The following SLC30A8 variants were observed in gnomAD, a reference collection of about 807,000 sequenced individuals.
SLC30A8 encodes the protein solute carrier family 30 member 8.
In SLC30A8, 27 loss-of-function variants were observed where a neutral mutation model predicts 36.9. The observed-to-expected ratio is 0.73, with a 90% CI of 0.54 to 1.01. SLC30A8 has a LOEUF of 1.01. Ranked by LOEUF, SLC30A8 falls within the 50% of genes least tolerant of loss-of-function variation. The probability of loss-of-function intolerance (pLI) is 0.00; values close to 1 mark genes in which losing one functional copy is unlikely to be tolerated. For missense variants in SLC30A8, 439 were observed against 452.0 expected, an observed-to-expected ratio of 0.97 and a Z score of 0.26; for synonymous variants, 164 against 172.4, an observed-to-expected ratio of 0.95 and a Z score of 0.38.
At chr8:117,150,001 C>T (rs1023121820) in intron 2 of SLC30A8, among the ~76,000 whole-genome samples, 1 of 152,124 alleles carries the variant, frequency 6.6e-6, no homozygotes, top group African/African-American at 2.4e-5. Flanking sequence ...CCCTAGTACT[C>T]AGAGAAAACC....
At chr8:117,052,409 T>G (rs1415431915) in intron 2 of SLC30A8, among the ~76,000 whole-genome samples, 1 of 152,222 alleles carries the variant, frequency 6.6e-6, no homozygotes, top group Non-Finnish European at 1.5e-5. Context: ...ATTTATTAGA[T>G]GAAAAAACAT....
intron 1 of SLC30A8, among the ~76,000 whole-genome samples, chr8:116,972,427 C>CGACTGCT (rs1814823100): frequency 1.3e-5 from 2 of 152,164 alleles, no homozygotes; most frequent in Admixed American, 1.3e-4. Context: ...GAGGAATAAG[C>CGACTGCT]GACTGCTGTT....
At chr8:117,011,161 A>G (rs972553339) in intron 1 of SLC30A8, among the ~76,000 whole-genome samples, 1 of 152,232 alleles carries the variant, frequency 6.6e-6, no homozygotes, top group East Asian at 1.9e-4. Context: ...AACAGGAGCA[A>G]GAAAGAGAAG....
intron 2 of SLC30A8, among the ~76,000 whole-genome samples, chr8:117,085,358 A>AAC (rs1011394921): frequency 1.3e-5 from 2 of 152,142 alleles, no homozygotes; most frequent in African/African-American, 4.8e-5. Flanking sequence ...TTTCACCATT[A>AAC]TACCCATTGG....
At chr8:117,042,789 C>A (rs552327803) in intron 2 of SLC30A8, among the ~76,000 whole-genome samples, 1 of 152,254 alleles carries the variant, frequency 6.6e-6, no homozygotes, top group Non-Finnish European at 1.5e-5. Context: ...GATTCTCCTG[C>A]CTCAGCCTCC....
chr8:116,958,358 T>C (rs1047020672), intron 1 of SLC30A8, among the ~76,000 whole-genome samples: 1 of 151,786 alleles, frequency 6.6e-6, no homozygotes, highest in African/African-American at 2.4e-5. Flanking sequence ...TTTTTTGTAG[T>C]GCAGGTAAGC....
chr8:116,977,105 C>T (rs548416328), intron 1 of SLC30A8, among the ~76,000 whole-genome samples: 115 of 150,226 alleles, frequency 7.7e-4, no homozygotes, highest in African/African-American at 2.8e-3. Context: ...GCAGGAGCCA[C>T]CGTGCCTGGC....
intron 2 of SLC30A8, among the ~76,000 whole-genome samples, chr8:117,113,168 C>T (rs544992048): frequency 6.6e-6 from 1 of 152,108 alleles, no homozygotes; most frequent in Non-Finnish European, 1.5e-5. Flanking sequence ...AGCTTTTAAC[C>T]AGGATACTAA....
intron 2 of SLC30A8, among the ~76,000 whole-genome samples, chr8:117,042,761 C>T (rs1164301503): frequency 6.6e-6 from 1 of 151,980 alleles, no homozygotes; most frequent in African/African-American, 2.4e-5. Flanking sequence ...CTGCAACCTC[C>T]GCCTCCCGGG....
intron 1 of SLC30A8, among the ~76,000 whole-genome samples, chr8:116,996,025 G>C (rs1406555301): frequency 6.6e-6 from 1 of 152,168 alleles, no homozygotes; most frequent in Non-Finnish European, 1.5e-5. Flanking sequence ...TTCTTTTGCT[G>C]ATCTGCCCAT....
chr8:117,084,644 C>G (rs1014130627), intron 2 of SLC30A8, among the ~76,000 whole-genome samples: 4 of 152,026 alleles, frequency 2.6e-5, no homozygotes, highest in African/African-American at 9.7e-5. Context: ...GTTTAATAAA[C>G]CCCCGGACTT....
Position 117,080,298 on chromosome 8 carries a change from C to T in SLC30A8, c.-226+41040C>T, listed in dbSNP as rs868396853. ...TGAAATAACTACTGTTAACATTTGG[C>T]GCATACCTTTTATTTTTTTAATTAT... On this transcript the variant is annotated intron_variant, in intron 2 of 10. Coordinates refer to the SLC30A8 transcript ENST00000427715. Among the ~76,000 whole-genome samples, 5 of 151,996 alleles carry T rather than the reference C, an allele frequency of 3.3e-5. No individual in the cohort carries two copies. In the South Asian group the frequency reaches 6.2e-4, roughly 19 times the overall value.
At position 117,147,528 on chromosome 8, in the gene SLC30A8, A is replaced by G. The variant is rs535959360; in HGVS notation, c.271+375A>G. 3 of 174,182 alleles carry G rather than the reference A, an allele frequency of 1.7e-5. No individual in the cohort carries two copies. In the South Asian group the frequency reaches 4.1e-4, roughly 24 times the overall value. The allele number at this position is 174,182 out of a possible 1,614,324, so 10.8% of individuals were successfully genotyped here. A position where few individuals can be genotyped will look rare whatever the true frequency, so the allele number is the denominator to read the frequency against. On this transcript the variant is annotated intron_variant, in intron 2 of 7. Coordinates refer to ENST00000456015, the MANE Select transcript of SLC30A8 (RefSeq NM_173851.3). ...TCTAATATGCTCCACTGTAATTTAC[A>G]TAACCATTTCTCTATTGTTAGAAAT...
At chr8:117,067,077 G>T (rs1026493021) in intron 2 of SLC30A8, among the ~76,000 whole-genome samples, 1 of 152,140 alleles carries the variant, frequency 6.6e-6, no homozygotes, top group Non-Finnish European at 1.5e-5. Flanking sequence ...GCAGCAGCAA[G>T]AAATCTGAGT....
chr8:116,996,081 T>C (rs1678922859), intron 1 of SLC30A8, among the ~76,000 whole-genome samples: 2 of 152,244 alleles, frequency 1.3e-5, no homozygotes, highest in African/African-American at 4.8e-5. Flanking sequence ...TAAATCTGCC[T>C]TTCTTTACTT....
chr8:117,010,649 A>G (rs944719213), intron 1 of SLC30A8, among the ~76,000 whole-genome samples: 1 of 152,198 alleles, frequency 6.6e-6, no homozygotes, highest in East Asian at 1.9e-4. Flanking sequence ...GCTATAATGA[A>G]ATGCCTGAGA....
chr8:117,162,099 T>A (rs1057495687), intron 5 of SLC30A8, among the ~76,000 whole-genome samples: 2 of 152,168 alleles, frequency 1.3e-5, no homozygotes, highest in Admixed American at 6.5e-5. Flanking sequence ...TTATAAGCAA[T>A]AGGGAACATC....
chr8:117,018,629 T>A, intron 1 of SLC30A8, among the ~76,000 whole-genome samples: 1 of 151,214 alleles, frequency 6.6e-6, no homozygotes, highest in African/African-American at 2.4e-5. Flanking sequence ...AGACCACAGG[T>A]TGAAAACTGC....
chr8:117,065,110 G>T (rs1818129778), intron 2 of SLC30A8, among the ~76,000 whole-genome samples: 1 of 152,010 alleles, frequency 6.6e-6, no homozygotes, highest in South Asian at 2.1e-4. Context: ...ATACTTTAGT[G>T]TGTCTCCCAG....
Sources: gnomAD v4.1 joint callset for allele counts (sites outside exome capture counted in the v4.1 genomes callset) on GRCh38, gnomAD v4.1.1 for gene constraint, MANE v1.5 for transcripts, NCBI Gene and HGNC (gene_info 2026-07-23, HGNC 2026-07-21) for gene names.